The following HDAC9 variants were observed in gnomAD, a reference collection of about 807,000 sequenced individuals.
HDAC9 encodes the protein MEF-2 interacting transcription repressor (MITR) protein.
A neutral mutation model predicts 139.4 loss-of-function variants in HDAC9; 41 were observed. The observed-to-expected ratio is 0.29, with a 90% confidence interval of 0.23 to 0.38. HDAC9 has a LOEUF of 0.38. Ranked by LOEUF, HDAC9 falls within the 10% of genes least tolerant of loss-of-function variation. HDAC9 has a pLI of 1.00. For missense variants in HDAC9, 1,147 were observed against 1,297.0 expected (o/e 0.88, Z 1.78); for synonymous variants, 517 against 476.2 (o/e 1.09, Z -1.12).
intron 1 of HDAC9, among the ~76,000 whole-genome samples, chr7:18,118,192 A>G (rs1584148857): frequency 6.6e-6 from 1 of 152,180 alleles, no homozygotes; most frequent in African/African-American, 2.4e-5. Context: ...CTACTTCACA[A>G]ATGAGCCAAG....
chr7:18,520,994 C>A (rs1165117285), intron 2 of HDAC9, among the ~76,000 whole-genome samples: 1 of 152,182 alleles, frequency 6.6e-6, no homozygotes, highest in African/African-American at 2.4e-5. Flanking sequence ...TAGTCATCGG[C>A]AGTCCTCCTC....
In HDAC9 at chr7:18,340,157, A is replaced by G. The variant is rs562958868; in HGVS notation, c.-42+49642A>G. ...CATTATGAAATGATATTTATCTCCA[A>G]TAATATTCTTTGCTTTGCAAACTAT... On this transcript the variant is annotated intron_variant, in intron 1 of 3. Transcript: ENST00000413509. Among the ~76,000 whole-genome samples, 8 of 151,634 alleles carry G rather than the reference A, an allele frequency of 5.3e-5. No individual in the cohort carries two copies. The East Asian group carries it at 5.8e-4, about 11-fold the overall frequency.
chr7:18,925,668 T>C (rs1223897147), intron 22 of HDAC9, among the ~76,000 whole-genome samples: 1 of 152,000 alleles, frequency 6.6e-6, no homozygotes, highest in East Asian at 1.9e-4. Flanking sequence ...TACACCTATG[T>C]AAGCAAGAGT....
intron 2 of HDAC9, among the ~76,000 whole-genome samples, chr7:18,521,668 G>C (rs572256757): frequency 2.8e-4 from 43 of 152,132 alleles, no homozygotes; most frequent in Non-Finnish European, 5.1e-4. Context: ...GATTATGTTT[G>C]ACTTGCAGCC....
intron 1 of HDAC9, among the ~76,000 whole-genome samples, chr7:18,134,496 G>T (rs563274265): frequency 1.3e-5 from 2 of 152,110 alleles, no homozygotes; most frequent in Non-Finnish European, 2.9e-5. Flanking sequence ...AAATTCTCAC[G>T]CATGACTCTG....
chr7:18,755,996 A>G (rs1026747719), intron 14 of HDAC9, among the ~76,000 whole-genome samples: 5 of 152,116 alleles, frequency 3.3e-5, no homozygotes, highest in Admixed American at 2.6e-4. Context: ...TATGAGCAGT[A>G]AGTATGGACA....
intron 1 of HDAC9, among the ~76,000 whole-genome samples, chr7:18,323,085 G>A (rs998446737): frequency 6.6e-6 from 1 of 152,096 alleles, no homozygotes; most frequent in Non-Finnish European, 1.5e-5. Flanking sequence ...AGGTTTATGT[G>A]TTATTTATCC....
chr7:18,647,988 T>G lies in HDAC9; in HGVS notation c.1239T>G (p.Leu413=). ...AAGAACAAATGCGACAGCAAAAGCT[T>G]CTTGTAGCTGGTAATTCATTATGGC... The part of the protein sequence containing the change: ...LLKEQMRQQK[L]LVAGGVPLHP... Residue 413 remains leucine (L), a synonymous_variant, in exon 10 of 26, where the codon CTT becomes CTG. Coordinates refer to ENST00000686413, the MANE Select transcript of HDAC9 (RefSeq NM_178425.4). 6.2e-7 allele frequency: 1 copy of G among 1,607,204 alleles called. No individual in the cohort carries two copies. The highest frequency in any genetic ancestry group is 1.1e-5 in the South Asian group (1 of 90,032).
intron 1 of HDAC9, among the ~76,000 whole-genome samples, chr7:18,391,364 G>A (rs528547544): frequency 6.6e-6 from 1 of 151,768 alleles, no homozygotes; most frequent in Non-Finnish European, 1.5e-5. Context: ...CAGCCTGAGC[G>A]ATGGAGCGAG....
intron 2 of HDAC9, among the ~76,000 whole-genome samples, chr7:18,238,596 G>A (rs371632418): frequency 6.6e-5 from 10 of 152,116 alleles, no homozygotes; most frequent in East Asian, 1.9e-4. Flanking sequence ...GCTATAAGGC[G>A]TTAGTACCAC....
At chr7:18,979,233 C>T (rs1784742846) in intron 25 of HDAC9, among the ~76,000 whole-genome samples, 1 of 151,966 alleles carries the variant, frequency 6.6e-6, no homozygotes, top group Admixed American at 6.6e-5. Flanking sequence ...TCAGCTAAAT[C>T]CAAGTATCAT....
intron 1 of HDAC9, chr7:18,162,111 A>G (rs1357319569): frequency 1.8e-6 from 1 of 551,044 alleles, no homozygotes; most frequent in Non-Finnish European, 3.2e-6. Flanking sequence ...TGACTGCCTC[A>G]AAGACACATG....
chr7:18,753,886 A>G (rs927593169), intron 14 of HDAC9, among the ~76,000 whole-genome samples: 1 of 152,126 alleles, frequency 6.6e-6, no homozygotes, highest in Non-Finnish European at 1.5e-5. Context: ...ACTGTCTGAC[A>G]CTAGAAGTGT....
At chr7:18,463,658 T>A (rs1053374854) in intron 1 of HDAC9, among the ~76,000 whole-genome samples, 1 of 151,926 alleles carries the variant, frequency 6.6e-6, no homozygotes, top group African/African-American at 2.4e-5. Context: ...AGTTTAACTT[T>A]TATTTCTTTT....
chr7:18,094,499 C>A (rs1782374265), intron 1 of HDAC9, among the ~76,000 whole-genome samples: 2 of 150,476 alleles, frequency 1.3e-5, no homozygotes, highest in Non-Finnish European at 1.5e-5. Context: ...GGTGTGATCA[C>A]AGCTCAGTAT....
chr7:18,308,960 A>C (rs1290182554), intron 1 of HDAC9, among the ~76,000 whole-genome samples: 1 of 152,172 alleles, frequency 6.6e-6, no homozygotes, highest in Non-Finnish European at 1.5e-5. Context: ...AACCTGAACA[A>C]AGTCACATGG....
intron 7 of HDAC9, among the ~76,000 whole-genome samples, chr7:18,632,272 G>C (rs1168181808): frequency 1.2e-4 from 18 of 152,010 alleles, no homozygotes; most frequent in Admixed American, 1.2e-3. Flanking sequence ...ATGTGTTTAA[G>C]TATTTTATTA....
intron 1 of HDAC9, among the ~76,000 whole-genome samples, chr7:18,466,204 T>G (rs555045399): frequency 3.9e-5 from 6 of 152,268 alleles, no homozygotes; most frequent in African/African-American, 1.4e-4. Context: ...TTTTATGTAT[T>G]TATTTATTTA....
intron 25 of HDAC9, among the ~76,000 whole-genome samples, chr7:18,977,295 T>TTGTC (rs1563100254): frequency 6.6e-6 from 1 of 152,180 alleles, no homozygotes; most frequent in African/African-American, 2.4e-5. Context: ...AAACAGTTAG[T>TTGTC]TGTCTGTCAT....
Sources: allele counts gnomAD v4.1 joint callset (sites outside exome capture counted in the v4.1 genomes callset), GRCh38; gene constraint gnomAD v4.1.1; transcripts MANE v1.5; gene names NCBI Gene and HGNC (gene_info 2026-07-23, HGNC 2026-07-21).